SLC16A7: variants seen among roughly 807,000 people sequenced by gnomAD.
SLC16A7 encodes monocarboxylate transporter 2.
SLC16A7 carries 33 observed loss-of-function variants against 34.9 expected under a neutral mutation model. That is an observed-to-expected ratio of 0.94 (90% CI 0.72 to 1.26). SLC16A7 has a LOEUF of 1.26. SLC16A7 is among the 50% of genes most tolerant of loss of function. SLC16A7 has a pLI of 0.00. For missense variants in SLC16A7, 573 were observed against 578.1 expected, an observed-to-expected ratio of 0.99 and a Z score of 0.09; for synonymous variants, 201 against 206.6, an observed-to-expected ratio of 0.97 and a Z score of 0.23.
chr12:59,629,714 T>C (rs967100941), intron 1 of SLC16A7, among the ~76,000 whole-genome samples: 9 of 151,860 alleles, frequency 5.9e-5, no homozygotes, highest in Non-Finnish European at 1.3e-4. Context: ...TTTCTGTGTC[T>C]AAACATTTGA....
intron 2 of SLC16A7, among the ~76,000 whole-genome samples, chr12:59,670,113 C>A (rs577287498): frequency 6.6e-6 from 1 of 152,344 alleles, no homozygotes; most frequent in South Asian, 2.1e-4. Context: ...TCCCTTGCCT[C>A]TTCCAGCTTC....
intron 2 of SLC16A7, among the ~76,000 whole-genome samples, chr12:59,682,648 G>A (rs1870830251): frequency 6.6e-6 from 1 of 152,132 alleles, no homozygotes; most frequent in Non-Finnish European, 1.5e-5. Context: ...CTATTTGTGT[G>A]GAAGGATAGG....
intron 2 of SLC16A7, among the ~76,000 whole-genome samples, chr12:59,667,783 G>C (rs1030318921): frequency 6.6e-6 from 1 of 152,200 alleles, no homozygotes; most frequent in Non-Finnish European, 1.5e-5. Flanking sequence ...AGAGGCCTTC[G>C]TGGCAGCCCC....
intron 3 of SLC16A7, among the ~76,000 whole-genome samples, chr12:59,732,390 A>G (rs1004709898): frequency 2.0e-5 from 3 of 152,216 alleles, no homozygotes; most frequent in Non-Finnish European, 4.4e-5. Flanking sequence ...ACTGCACTCC[A>G]GCCTGGGCGA....
chr12:59,759,883 C>G (rs1880819647), intron 3 of SLC16A7, among the ~76,000 whole-genome samples: 1 of 151,936 alleles, frequency 6.6e-6, no homozygotes, highest in South Asian at 2.1e-4. Flanking sequence ...CTAATATTAG[C>G]ATGACATTTT....
chr12:59,691,894 C>T (rs1871701673), intron 2 of SLC16A7, among the ~76,000 whole-genome samples: 1 of 151,936 alleles, frequency 6.6e-6, no homozygotes, highest in Admixed American at 6.6e-5. Context: ...ACAAGAAAAA[C>T]ATCTTTGTAG....
At chr12:59,744,020 T>C (rs1044711001) in intron 3 of SLC16A7, among the ~76,000 whole-genome samples, 1 of 152,218 alleles carries the variant, frequency 6.6e-6, no homozygotes, top group Non-Finnish European at 1.5e-5. Flanking sequence ...ATTATTAGGA[T>C]GTTTTCTATA....
rs1883826056 is a variant in SLC16A7 at position 59,789,217 on chromosome 12, T to G, written c.*9538T>G. 6.6e-6 allele frequency: 1 copy of G among 152,104 alleles called. No homozygotes were observed. 9.4% of individuals were successfully genotyped at this position (152,104 alleles called of 1,614,324 possible). A position where few individuals can be genotyped will look rare whatever the true frequency, so the allele number is the denominator to read the frequency against. ...CTTTATTGAAATGAATTGATAGATA[T>G]TGATTATTAAAATGCTACTACAGTA... On this transcript the variant is annotated 3_prime_UTR_variant, in exon 6 of 6. Transcript: ENST00000547379.
chr12:59,687,278 AT>A (rs909878602), intron 2 of SLC16A7, among the ~76,000 whole-genome samples: 4 of 151,712 alleles, frequency 2.6e-5, no homozygotes, highest in Non-Finnish European at 5.9e-5. Context: ...CCCTTTTCCT[AT>A]TTTTGTCCCT....
At chr12:59,730,677 T>C (rs1876844335) in intron 3 of SLC16A7, among the ~76,000 whole-genome samples, 1 of 152,196 alleles carries the variant, frequency 6.6e-6, no homozygotes, top group Non-Finnish European at 1.5e-5. Flanking sequence ...ATTTTTCTTT[T>C]TATTTTCCTA....
At chr12:59,613,759 A>G (rs1455416854) in intron 1 of SLC16A7, among the ~76,000 whole-genome samples, 10 of 152,200 alleles carry the variant, frequency 6.6e-5, no homozygotes, top group Non-Finnish European at 1.5e-4. Flanking sequence ...TCTGGTCAAG[A>G]GCATGGAACA....
At chr12:59,759,432 A>G (rs1016572564) in intron 3 of SLC16A7, among the ~76,000 whole-genome samples, 5 of 152,164 alleles carry the variant, frequency 3.3e-5, no homozygotes, top group South Asian at 2.1e-4. Context: ...GCAAAGAAAC[A>G]TGGTAAATTA....
At chr12:59,761,156 A>G (rs993516352) in intron 3 of SLC16A7, 16 of 1,286,448 alleles carry the variant, frequency 1.2e-5, no homozygotes, top group Non-Finnish European at 1.6e-5. Context: ...TGATCTTCAC[A>G]TCCTTGAGGA....
At chr12:59,658,093 G>A (rs1868631788) in intron 2 of SLC16A7, among the ~76,000 whole-genome samples, 1 of 151,920 alleles carries the variant, frequency 6.6e-6, no homozygotes, top group South Asian at 2.1e-4. Flanking sequence ...CCTTTAAATT[G>A]GATACTTAAA....
At chr12:59,669,982 G>A (rs1462659902) in intron 2 of SLC16A7, among the ~76,000 whole-genome samples, 1 of 152,090 alleles carries the variant, frequency 6.6e-6, no homozygotes, top group Non-Finnish European at 1.5e-5. Flanking sequence ...CCATAACAAA[G>A]TACCATAAAC....
chr12:59,749,396 C>T (rs1879248383), intron 3 of SLC16A7, among the ~76,000 whole-genome samples: 1 of 152,152 alleles, frequency 6.6e-6, no homozygotes, highest in East Asian at 1.9e-4. Flanking sequence ...GGCTGCCATA[C>T]TGGCAGTTTT....
intron 5 of SLC16A7, among the ~76,000 whole-genome samples, chr12:59,778,951 T>C (rs1417182381): frequency 6.6e-6 from 1 of 152,070 alleles, no homozygotes; most frequent in Non-Finnish European, 1.5e-5. Flanking sequence ...AGAAAGCACT[T>C]AGTAAATATT....
chr12:59,653,449 A>G (rs984047750), intron 1 of SLC16A7, among the ~76,000 whole-genome samples: 2 of 151,662 alleles, frequency 1.3e-5, no homozygotes, highest in African/African-American at 4.8e-5. Flanking sequence ...ACATGAAATA[A>G]ATTCAAAGTT....
chr12:59,708,396 A>C (rs922547845), intron 3 of SLC16A7, among the ~76,000 whole-genome samples: 2 of 152,160 alleles, frequency 1.3e-5, no homozygotes, highest in African/African-American at 2.4e-5. Flanking sequence ...TATACAACAC[A>C]GGGGTTCACT....
Sources: gnomAD v4.1 joint callset for allele counts (sites outside exome capture counted in the v4.1 genomes callset) on GRCh38, gnomAD v4.1.1 for gene constraint, MANE v1.5 for transcripts, NCBI Gene and HGNC (gene_info 2026-07-23, HGNC 2026-07-21) for gene names.